Variants in STXBP6 observed in about 807,000 individuals in gnomAD.
STXBP6 encodes the protein syntaxin binding protein 6.
A neutral mutation model predicts 26.9 loss-of-function variants in STXBP6; 21 were observed. The ratio of observed to expected loss-of-function variants is 0.78; its 90% CI spans 0.55 to 1.12. The LOEUF is 1.12. Among genes scored for constraint, STXBP6 ranks in the 50% most tolerant of loss-of-function variants. The pLI is 0.00. For synonymous variants in STXBP6, 97 were observed against 92.6 expected (o/e 1.05, Z -0.27); for missense variants, 232 against 257.9 (o/e 0.90, Z 0.69).
At chr14:25,044,757 C>T (rs1392326649) in intron 1 of STXBP6, among the ~76,000 whole-genome samples, 3 of 152,250 alleles carry the variant, frequency 2.0e-5, no homozygotes, top group Admixed American at 6.5e-5. Flanking sequence ...GGTTCTTTGA[C>T]CACCACCACA....
At chr14:24,899,011 A>T (rs1445444925) in intron 2 of STXBP6, among the ~76,000 whole-genome samples, 1 of 148,004 alleles carries the variant, frequency 6.8e-6, no homozygotes, top group Non-Finnish European at 1.5e-5. Flanking sequence ...CGTTCCCCAG[A>T]GGTTGGGGGT....
At chr14:24,944,010 G>C (rs751500320) in intron 2 of STXBP6, among the ~76,000 whole-genome samples, 2 of 151,918 alleles carry the variant, frequency 1.3e-5, no homozygotes, top group Non-Finnish European at 2.9e-5. Flanking sequence ...ACAGAAATTA[G>C]TGTTGGTTTT....
chr14:24,918,070 T>C (rs964238386), intron 2 of STXBP6, among the ~76,000 whole-genome samples: 2 of 151,976 alleles, frequency 1.3e-5, no homozygotes, highest in Non-Finnish European at 2.9e-5. Flanking sequence ...GGTAAATCCA[T>C]AGAGATAGAA....
intron 2 of STXBP6, among the ~76,000 whole-genome samples, chr14:24,965,536 A>G (rs996335092): frequency 6.6e-6 from 1 of 152,126 alleles, no homozygotes; most frequent in African/African-American, 2.4e-5. Context: ...TAATGATGAG[A>G]TAATAGTATT....
chr14:24,869,905 A>G (rs1057227330), intron 2 of STXBP6, among the ~76,000 whole-genome samples: 1 of 152,158 alleles, frequency 6.6e-6, no homozygotes, highest in African/African-American at 2.4e-5. Context: ...GGGTTCAGGG[A>G]TAGAGCTCAG....
At chr14:24,837,376 A>G (rs911857432) in intron 4 of STXBP6, among the ~76,000 whole-genome samples, 1 of 152,230 alleles carries the variant, frequency 6.6e-6, no homozygotes, top group East Asian at 1.9e-4. Context: ...TCGGGGGTAG[A>G]ATCATATCCA....
intron 1 of STXBP6, among the ~76,000 whole-genome samples, chr14:25,040,432 T>C (rs113288694): frequency 1.2e-3 from 186 of 152,314 alleles, no homozygotes; most frequent in African/African-American, 4.0e-3. Context: ...CAGAAGTCAC[T>C]TCACCTTTCT....
At chr14:24,914,369 G>A (rs1486923223) in intron 2 of STXBP6, among the ~76,000 whole-genome samples, 1 of 152,146 alleles carries the variant, frequency 6.6e-6, no homozygotes, top group African/African-American at 2.4e-5. Context: ...TAACAGGATA[G>A]TCAAATGCTT....
At chr14:25,018,183 G>A (rs926925097) in intron 1 of STXBP6, among the ~76,000 whole-genome samples, 2 of 151,958 alleles carry the variant, frequency 1.3e-5, no homozygotes, top group African/African-American at 2.4e-5. Flanking sequence ...TAGGACTTCC[G>A]GAGATTCTTA....
intron 1 of STXBP6, among the ~76,000 whole-genome samples, chr14:25,048,307 G>A: frequency 6.6e-6 from 1 of 152,238 alleles, no homozygotes; most frequent in Non-Finnish European, 1.5e-5. Flanking sequence ...CTGCAATGGA[G>A]GGAGGTAAGG....
At position 25,036,582 on chromosome 14, in the gene STXBP6, C is replaced by T. The variant is rs182470546; in HGVS notation, c.-33+13296G>A. ...ATTAAAGAAATCAGCTGGCCCGGCACGGTGGCTCACGCCTGTAATCATAGC... is the reference window on the plus strand; with the variant it reads ...ATTAAAGAAATCAGCTGGCCCGGCATGGTGGCTCACGCCTGTAATCATAGC... On this transcript the variant is annotated intron_variant, in intron 1 of 5. Transcript: ENST00000323944. Among the ~76,000 whole-genome samples the T allele has an allele frequency of 1.3e-4, 20 of 152,222 alleles. No homozygotes were observed. The East Asian group carries it at 3.3e-3, about 25-fold the overall frequency.
chr14:24,818,296 G>T (rs1217062190), intron 5 of STXBP6, among the ~76,000 whole-genome samples: 8 of 152,256 alleles, frequency 5.3e-5, no homozygotes, highest in Admixed American at 2.6e-4. Context: ...CTTTCCTTTG[G>T]TTTGTGACTG....
intron 1 of STXBP6, among the ~76,000 whole-genome samples, chr14:25,015,247 G>T (rs2075122754): frequency 6.6e-6 from 1 of 152,070 alleles, no homozygotes. Context: ...TGAACAACCT[G>T]GATCAAGGGG....
chr14:24,861,249 A>G (rs181408580), intron 2 of STXBP6, among the ~76,000 whole-genome samples: 126 of 152,228 alleles, frequency 8.3e-4, no homozygotes, highest in Non-Finnish European at 1.7e-3. Flanking sequence ...CTGGAGTCTA[A>G]CCACCAGACA....
chr14:24,891,703 T>G (rs2070793244), intron 2 of STXBP6, among the ~76,000 whole-genome samples: 1 of 152,224 alleles, frequency 6.6e-6, no homozygotes, highest in South Asian at 2.1e-4. Context: ...GAAAAACTAT[T>G]TAGGTAAAGC....
intron 2 of STXBP6, among the ~76,000 whole-genome samples, chr14:24,883,073 C>A (rs969918890): frequency 5.3e-5 from 8 of 152,054 alleles, no homozygotes; most frequent in African/African-American, 1.7e-4. Context: ...TATGCAACAA[C>A]TATAATGCTA....
chr14:24,841,221 C>T (rs529005293), intron 4 of STXBP6, among the ~76,000 whole-genome samples: 213 of 152,238 alleles, frequency 1.4e-3, no homozygotes, highest in Admixed American at 2.2e-3. Flanking sequence ...TACAGTCTAG[C>T]TGGATACAGA....
chr14:24,894,503 A>G (rs144204030), intron 2 of STXBP6, among the ~76,000 whole-genome samples: 2,969 of 152,302 alleles, frequency 0.019, 40 homozygotes, highest in Non-Finnish European at 0.03. Flanking sequence ...GGGGAGAACC[A>G]GGAAAGGTCA....
intron 1 of STXBP6, among the ~76,000 whole-genome samples, chr14:25,026,825 G>A (rs2075357671): frequency 6.6e-6 from 1 of 152,030 alleles, no homozygotes; most frequent in African/African-American, 2.4e-5. Flanking sequence ...ACATAAAAAT[G>A]GCCATCATCA....
Sources: gnomAD v4.1 joint callset for allele counts (sites outside exome capture counted in the v4.1 genomes callset) on GRCh38, gnomAD v4.1.1 for gene constraint, MANE v1.5 for transcripts, NCBI Gene and HGNC (gene_info 2026-07-23, HGNC 2026-07-21) for gene names.